The following GULP1 variants were observed in gnomAD, a reference collection of about 807,000 sequenced individuals.
The protein encoded by GULP1 is PTB domain-containing engulfment adapter protein 1.
In GULP1, 19 loss-of-function variants were observed where a neutral mutation model predicts 40.9. The ratio of observed to expected loss-of-function variants is 0.46; its 90% CI spans 0.32 to 0.68. GULP1 has a LOEUF of 0.68. Ranked by LOEUF, GULP1 falls within the 30% of genes least tolerant of loss-of-function variation. The probability of loss-of-function intolerance (pLI) is 0.03; values close to 1 mark genes in which losing one functional copy is unlikely to be tolerated. For missense variants in GULP1, 312 were observed against 362.2 expected (o/e 0.86, Z 1.12); for synonymous variants, 119 against 117.6 (o/e 1.01, Z -0.08).
chr2:188,303,485 C>T (rs1478656699), intron 1 of GULP1, among the ~76,000 whole-genome samples: 1 of 152,070 alleles, frequency 6.6e-6, no homozygotes, highest in Non-Finnish European at 1.5e-5. Flanking sequence ...GTTGTGTGGG[C>T]AGTGCACTTG....
chr2:188,296,092 G>A (rs1481153612), intron 1 of GULP1, among the ~76,000 whole-genome samples: 1 of 152,066 alleles, frequency 6.6e-6, no homozygotes, highest in Non-Finnish European at 1.5e-5. Flanking sequence ...ACTGCCATGA[G>A]CCCTGGTCCC....
At chr2:188,470,995 C>T (rs988405131) in intron 2 of GULP1, among the ~76,000 whole-genome samples, 1 of 152,050 alleles carries the variant, frequency 6.6e-6, no homozygotes, top group Non-Finnish European at 1.5e-5. Flanking sequence ...CGGTTTAGTG[C>T]TAAAAGTGGG....
chr2:188,513,546 T>A (rs889793249), intron 4 of GULP1, among the ~76,000 whole-genome samples: 5 of 152,198 alleles, frequency 3.3e-5, no homozygotes, highest in Non-Finnish European at 7.4e-5. Flanking sequence ...GCAATATTTT[T>A]AAGAAAGCCA....
Position 188,531,819 on chromosome 2 carries a change from A to G in GULP1, c.261+2624A>G, listed in dbSNP as rs1333033378. Among the ~76,000 whole-genome samples, 6 of 152,336 alleles carry G rather than the reference A, an allele frequency of 3.9e-5. No individual in the cohort carries two copies. The East Asian group carries it at 5.8e-4, about 15-fold the overall frequency. On this transcript the variant is annotated intron_variant, in intron 6 of 11. Coordinates refer to ENST00000409830, the MANE Select transcript of GULP1 (RefSeq NM_016315.4). ...ACAATGCAATCAAAAGTGTAGCAAC[A>G]AAGTGTAGTCTTATGTGTCATGAAA...
chr2:188,447,049 A>G (rs1486746959), intron 2 of GULP1, among the ~76,000 whole-genome samples: 2 of 152,172 alleles, frequency 1.3e-5, no homozygotes, highest in East Asian at 3.9e-4. Context: ...AATCAAATAC[A>G]TTGGTTGTCC....
At chr2:188,371,671 T>G (rs1281247980) in intron 1 of GULP1, among the ~76,000 whole-genome samples, 1 of 152,122 alleles carries the variant, frequency 6.6e-6, no homozygotes, top group Non-Finnish European at 1.5e-5. Flanking sequence ...TAGTATAGAT[T>G]ACTATTTAGA....
In GULP1 at chr2:188,483,427, G is replaced by C; in HGVS notation, c.29-4G>C. The stretch of plus-strand genomic sequence containing the variant: ...AATTTAACTCTGTGTATTTTTTATT[G>C]CAGACAAAACATGGATGCATACACC... On this transcript the variant is annotated splice_region_variant and splice_polypyrimidine_tract_variant and intron_variant, in intron 3 of 11. Coordinates refer to ENST00000409830, the MANE Select transcript of GULP1 (RefSeq NM_016315.4). 2 of 1,486,360 alleles carry C rather than the reference G, an allele frequency of 1.3e-6. No individual in the cohort carries two copies. The highest frequency in any genetic ancestry group is 1.9e-6 in the Non-Finnish European group (2 of 1,075,532). The allele number at this position is 1,486,360 out of a possible 1,614,324, so 92.1% of individuals were successfully genotyped here. A position where few individuals can be genotyped will look rare whatever the true frequency, so the allele number is the denominator to read the frequency against.
intron 4 of GULP1, among the ~76,000 whole-genome samples, chr2:188,511,542 G>A (rs573239162): frequency 6.6e-6 from 1 of 152,164 alleles, no homozygotes; most frequent in African/African-American, 2.4e-5. Context: ...TTTGAGTGTG[G>A]GAGGGACTCC....
At chr2:188,334,863 T>C (rs2042059534) in intron 1 of GULP1, among the ~76,000 whole-genome samples, 1 of 152,156 alleles carries the variant, frequency 6.6e-6, no homozygotes, top group Non-Finnish European at 1.5e-5. Context: ...GAGAAACTTA[T>C]TAAAAGGAAT....
intron 1 of GULP1, among the ~76,000 whole-genome samples, chr2:188,331,561 A>AT (rs2041583488): frequency 2.0e-5 from 3 of 152,292 alleles, no homozygotes; most frequent in African/African-American, 7.2e-5. Context: ...GCAAATTTAC[A>AT]TTTTTTGCAA....
intron 7 of GULP1, among the ~76,000 whole-genome samples, chr2:188,563,031 C>G (rs1413334661): frequency 6.6e-6 from 1 of 152,086 alleles, no homozygotes; most frequent in Middle Eastern, 3.4e-3. Context: ...TGCTGAGAGG[C>G]AAATTCATAG....
intron 2 of GULP1, among the ~76,000 whole-genome samples, chr2:188,473,990 G>T (rs1453706004): frequency 6.6e-6 from 1 of 152,174 alleles, no homozygotes; most frequent in African/African-American, 2.4e-5. Context: ...CAGTTAGTAG[G>T]TAATGAAGGC....
chr2:188,315,620 C>A (rs1057438153), intron 1 of GULP1, among the ~76,000 whole-genome samples: 1 of 152,022 alleles, frequency 6.6e-6, no homozygotes, highest in Non-Finnish European at 1.5e-5. Flanking sequence ...ATACAGTAGG[C>A]CCCCTTCATC....
intron 2 of GULP1, among the ~76,000 whole-genome samples, chr2:188,443,512 G>A (rs1002836489): frequency 1.1e-4 from 17 of 152,018 alleles, no homozygotes; most frequent in African/African-American, 3.9e-4. Flanking sequence ...TGACCCTCGA[G>A]CCTAAGCAGT....
chr2:188,442,149 A>G (rs898406708), intron 2 of GULP1, among the ~76,000 whole-genome samples: 3 of 152,228 alleles, frequency 2.0e-5, no homozygotes, highest in Non-Finnish European at 4.4e-5. Context: ...ATTGTTGGTG[A>G]CATTTTAAAT....
At chr2:188,478,007 A>G (rs2061157330) in intron 3 of GULP1, among the ~76,000 whole-genome samples, 1 of 152,138 alleles carries the variant, frequency 6.6e-6, no homozygotes, top group Non-Finnish European at 1.5e-5. Flanking sequence ...GCAAAGAATA[A>G]AATGATCTGA....
chr2:188,508,106 A>G (rs1575671006), intron 4 of GULP1, among the ~76,000 whole-genome samples: 1 of 152,134 alleles, frequency 6.6e-6, no homozygotes, highest in Non-Finnish European at 1.5e-5. Flanking sequence ...AAATACTCGT[A>G]GAAGTTGCCC....
intron 1 of GULP1, among the ~76,000 whole-genome samples, chr2:188,368,890 G>T (rs2047164147): frequency 7.2e-6 from 1 of 139,418 alleles, no homozygotes; most frequent in East Asian, 2.1e-4. Flanking sequence ...ATAATTCTTT[G>T]AGAGTGTATT....
At chr2:188,384,894 T>C (rs2049474718) in intron 2 of GULP1, among the ~76,000 whole-genome samples, 1 of 152,196 alleles carries the variant, frequency 6.6e-6, no homozygotes, top group Non-Finnish European at 1.5e-5. Context: ...TGAGTTCCCA[T>C]GGTCTTGGGC....
Sources: allele counts gnomAD v4.1 joint callset (sites outside exome capture counted in the v4.1 genomes callset), GRCh38; gene constraint gnomAD v4.1.1; transcripts MANE v1.5; gene names NCBI Gene and HGNC (gene_info 2026-07-23, HGNC 2026-07-21).